Variants in CCNH observed in about 807,000 individuals in gnomAD.
CCNH encodes the protein cyclin H, also known as cyclin-H.
A neutral mutation model predicts 41.9 loss-of-function variants in CCNH; 31 were observed. The ratio of observed to expected loss-of-function variants is 0.74; its 90% confidence interval spans 0.56 to 1.00. The LOEUF (loss-of-function observed/expected upper bound fraction) is 1.00, where lower values mean the gene tolerates loss of function less well. Ranked by LOEUF, CCNH falls within the 50% of genes least tolerant of loss-of-function variation. CCNH has a pLI of 0.00. For missense variants in CCNH, 362 were observed against 388.4 expected, an observed-to-expected ratio of 0.93 and a Z score of 0.57; for synonymous variants, 138 against 136.1, an observed-to-expected ratio of 1.01 and a Z score of -0.10.
At chr5:87,346,879 T>C (rs1475185330) in intron 9 of CCNH, among the ~76,000 whole-genome samples, 3 of 152,092 alleles carry the variant, frequency 2.0e-5, no homozygotes, top group Non-Finnish European at 4.4e-5. Flanking sequence ...TTTTTATTTA[T>C]ATTTTAAACA....
At chr5:87,408,438 A>G (rs1763966831) in intron 3 of CCNH, among the ~76,000 whole-genome samples, 1 of 152,170 alleles carries the variant, frequency 6.6e-6, no homozygotes, top group Non-Finnish European at 1.5e-5. Context: ...AACATCACTG[A>G]CTCAATGACA....
intron 7 of CCNH, among the ~76,000 whole-genome samples, chr5:87,397,110 AAC>A (rs1763026164): frequency 6.6e-6 from 1 of 152,214 alleles, no homozygotes; most frequent in East Asian, 1.9e-4. Context: ...CTGGTCCATG[AAC>A]AGTTTCCAGT....
At chr5:87,316,151 C>G (rs1160014724), downstream of CCNH, among the ~76,000 whole-genome samples, 1 of 152,150 alleles carries the variant, frequency 6.6e-6, no homozygotes, top group Non-Finnish European at 1.5e-5. Flanking sequence ...AAGCAAATTA[C>G]AAGTATAAAT....
At chr5:87,375,744 G>C (rs1580384457), downstream of CCNH, among the ~76,000 whole-genome samples, 1 of 152,214 alleles carries the variant, frequency 6.6e-6, no homozygotes, top group Middle Eastern at 3.4e-3. Context: ...GTTCACATCA[G>C]GGTGAATTAG....
intron 9 of CCNH, among the ~76,000 whole-genome samples, chr5:87,358,299 C>G (rs78229073): frequency 0.012 from 1,817 of 152,216 alleles, 28 homozygotes; most frequent in African/African-American, 0.041. Flanking sequence ...CATTTTTGAG[C>G]ACTATATTTT....
intron 9 of CCNH, chr5:87,349,465 T>C (rs1290017997): frequency 7.3e-7 from 1 of 1,365,102 alleles, no homozygotes; most frequent in African/African-American, 1.5e-5. Context: ...GTTTCTAACT[T>C]CTAAAAATTA....
chr5:87,334,467 T>A (rs66507804), intron 9 of CCNH, among the ~76,000 whole-genome samples: 7 of 152,076 alleles, frequency 4.6e-5, no homozygotes, highest in African/African-American at 1.7e-4. Context: ...CCCAGAAATA[T>A]AATGTTTAAT....
intron 7 of CCNH, among the ~76,000 whole-genome samples, chr5:87,398,393 A>G (rs1763129400): frequency 6.6e-6 from 1 of 152,174 alleles, no homozygotes; most frequent in South Asian, 2.1e-4. Flanking sequence ...CATCTTAAAT[A>G]TAAGATGCCA....
At chr5:87,397,632 A>G (rs1366004921) in intron 7 of CCNH, among the ~76,000 whole-genome samples, 1 of 152,156 alleles carries the variant, frequency 6.6e-6, no homozygotes, top group Non-Finnish European at 1.5e-5. Context: ...TTTGAGAAGC[A>G]CCCCTCAAGT....
exon 1 of CCNH, chr5:87,376,968 A>C: frequency 6.2e-7 from 1 of 1,612,676 alleles, no homozygotes; most frequent in Non-Finnish European, 8.5e-7. Context: ...CATCCTACTG[A>C]GGATTTTTCT....
chr5:87,401,600 A>C (rs1355396867), intron 6 of CCNH, 102 bp downstream of exon 6: 3 of 744,246 alleles, frequency 4.0e-6, no homozygotes, highest in South Asian at 1.7e-5. Flanking sequence ...AAAGAAATCT[A>C]AACAAAAATC....
chr5:87,369,659 C>CT (rs955599038), intron 9 of CCNH, among the ~76,000 whole-genome samples: 12 of 151,436 alleles, frequency 7.9e-5, no homozygotes, highest in Non-Finnish European at 1.3e-4. Context: ...ATATAGCTGA[C>CT]TTTTTTTTAG....
chr5:87,378,207 T>C (rs1017857773), upstream of CCNH, among the ~76,000 whole-genome samples: 7 of 152,170 alleles, frequency 4.6e-5, no homozygotes, highest in South Asian at 2.1e-4. Flanking sequence ...GTAATACATA[T>C]GAAAGTCTTA....
chr5:87,399,342 C>T (rs1763212703), intron 7 of CCNH, 52 bp downstream of exon 7: 2 of 1,293,286 alleles, frequency 1.5e-6, no homozygotes, highest in Non-Finnish European at 2.2e-6. Context: ...TACGAACCAG[C>T]TGGACTGGAT....
downstream of CCNH, chr5:87,391,168 CTG>C: frequency 3.7e-6 from 2 of 538,336 alleles, no homozygotes; most frequent in Non-Finnish European, 3.3e-6. Context: ...AATGCTATGA[CTG>C]TATCTTGATA....
At chr5:87,323,393 A>G (rs1316069716) in intron 9 of CCNH, among the ~76,000 whole-genome samples, 1 of 152,172 alleles carries the variant, frequency 6.6e-6, no homozygotes, top group Non-Finnish European at 1.5e-5. Context: ...AAATGGGCAT[A>G]TTGTGGAGAA....
At chr5:87,401,351 A>G (rs1171244149) in intron 6 of CCNH, among the ~76,000 whole-genome samples, 1 of 152,252 alleles carries the variant, frequency 6.6e-6, no homozygotes, top group Non-Finnish European at 1.5e-5. Flanking sequence ...ACAAAATAGA[A>G]GTTCCAAATT....
chr5:87,346,291 A>G (rs779456993), intron 9 of CCNH, among the ~76,000 whole-genome samples: 10 of 152,172 alleles, frequency 6.6e-5, no homozygotes, highest in Middle Eastern at 6.8e-3. Flanking sequence ...AGGAAAATTC[A>G]GAAATGAATT....
chr5:87,383,272 GGT>G (rs920590241), intron 9 of CCNH, among the ~76,000 whole-genome samples: 4 of 151,828 alleles, frequency 2.6e-5, no homozygotes, highest in African/African-American at 9.7e-5. Flanking sequence ...AAGAAATGAG[GGT>G]GTGTGAAGTT....
Sources: gnomAD v4.1 joint callset for allele counts (sites outside exome capture counted in the v4.1 genomes callset) on GRCh38, gnomAD v4.1.1 for gene constraint, MANE v1.5 for transcripts, NCBI Gene and HGNC (gene_info 2026-07-23, HGNC 2026-07-21) for gene names.